The following NEURL3 variants were observed in gnomAD, a reference collection of about 807,000 sequenced individuals.
The protein encoded by NEURL3 is neuralized E3 ubiquitin protein ligase 3.
In NEURL3, 19 loss-of-function variants were observed where a neutral mutation model predicts 17.6. The ratio of observed to expected loss-of-function variants is 1.08; its 90% confidence interval spans 0.75 to 1.58. The LOEUF (loss-of-function observed/expected upper bound fraction) is 1.58, where lower values mean the gene tolerates loss of function less well. Among genes scored for constraint, NEURL3 ranks in the 40% most tolerant of loss-of-function variants. NEURL3 has a pLI of 0.00. For missense variants in NEURL3, 342 were observed against 379.6 expected (o/e 0.90, Z 0.82); for synonymous variants, 180 against 161.4 (o/e 1.11, Z -0.87).
At chr2:96,502,241 C>A (rs1243070512) in intron 1 of NEURL3, among the ~76,000 whole-genome samples, 2 of 152,228 alleles carry the variant, frequency 1.3e-5, no homozygotes, top group Non-Finnish European at 2.9e-5. Flanking sequence ...TCCCAGCAGG[C>A]CTGCCCAGCT....
At chr2:96,500,415 G>T (rs1247308498) in intron 2 of NEURL3, 24 bp downstream of exon 2, 1 of 1,596,246 alleles carries the variant, frequency 6.3e-7, no homozygotes, top group Non-Finnish European at 8.5e-7. Context: ...CACCTCCCCT[G>T]CGGGGTCCCC....
intron 1 of NEURL3, among the ~76,000 whole-genome samples, chr2:96,503,081 G>A (rs1027101004): frequency 6.6e-6 from 1 of 152,172 alleles, no homozygotes; most frequent in African/African-American, 2.4e-5. Context: ...CTGGCTCCAT[G>A]CAGGACTGGC....
upstream of NEURL3, among the ~76,000 whole-genome samples, chr2:96,505,780 T>C (rs1471605777): frequency 6.6e-6 from 1 of 152,230 alleles, no homozygotes; most frequent in African/African-American, 2.4e-5. Flanking sequence ...CAGAAGGAAC[T>C]CAATCTGTGT....
chr2:96,499,205 T>C, intron 3 of NEURL3, 173 bp downstream of exon 3: 2 of 1,404,794 alleles, frequency 1.4e-6, no homozygotes, highest in South Asian at 3.2e-5. Flanking sequence ...AGGCAAATGC[T>C]CTCGAAGGCA....
chr2:96,506,745 A>G (rs937873487), upstream of NEURL3, among the ~76,000 whole-genome samples: 8 of 152,258 alleles, frequency 5.3e-5, no homozygotes, highest in Admixed American at 2.0e-4. Flanking sequence ...CATGAGAGGT[A>G]TGTATGGCAT....
At chr2:96,507,176 G>T (rs1463364214), upstream of NEURL3, among the ~76,000 whole-genome samples, 2 of 152,118 alleles carry the variant, frequency 1.3e-5, no homozygotes, top group Non-Finnish European at 2.9e-5. Context: ...ATCTGAACAG[G>T]CTGGCCGACT....
Position 96,498,101 on chromosome 2 carries a change from C to G in NEURL3, c.*143G>C, listed in dbSNP as rs571000108. 3 of 836,108 alleles carry G rather than the reference C, an allele frequency of 3.6e-6. No homozygotes were observed. In the African/African-American group the frequency reaches 5.2e-5, roughly 14 times the overall value. 51.8% of individuals were successfully genotyped at this position (836,108 alleles called of 1,614,324 possible). ...GGAGGCAGCAGACAGCACCTCCCTG[C>G]CTTCCTCTCTCTGCCGCACCTCTTG... is the stretch of plus-strand genomic sequence containing the variant. On this transcript the variant is annotated 3_prime_UTR_variant, in exon 4 of 4. Coordinates refer to ENST00000451794, the MANE Select transcript of NEURL3 (RefSeq NM_001285485.2). This position sits in a 1 kb window ranked among gnomAD's most constrained non-coding sequence, Gnocchi z 4.4.
chr2:96,498,585 G>T lies in NEURL3; in HGVS notation c.587-139C>A. The T allele has an allele frequency of 3.7e-6, 3 of 800,672 alleles. No individual in the cohort carries two copies. The highest frequency in any genetic ancestry group is 3.8e-6 in the Non-Finnish European group (2 of 525,114). The allele number at this position is 800,672 out of a possible 1,614,324, so 49.6% of individuals were successfully genotyped here. A position where few individuals can be genotyped will look rare whatever the true frequency, so the allele number is the denominator to read the frequency against. ...TACCTAGTGAGGAAATGCTTACAGT[G>T]TAATCAAGTGAAAAAAAGGGGGAAG... On this transcript the variant is annotated intron_variant, in intron 3 of 3. Transcript: ENST00000451794. The surrounding 1 kb of genome is among the most constrained non-coding windows in gnomAD (Gnocchi z 4.4).
intron 1 of NEURL3, among the ~76,000 whole-genome samples, chr2:96,503,211 T>C (rs1168653007): frequency 6.6e-6 from 1 of 152,134 alleles, no homozygotes; most frequent in Non-Finnish European, 1.5e-5. Flanking sequence ...TCCCCCGGAA[T>C]GGCCTTGAGG....
In NEURL3 at chr2:96,498,193, G is replaced by A. The variant is rs1241279949; in HGVS notation, c.*51C>T. On this transcript the variant is annotated 3_prime_UTR_variant, in exon 4 of 4. Transcript: ENST00000451794. This position sits in a 1 kb window ranked among gnomAD's most constrained non-coding sequence, Gnocchi z 4.4. ...CTGCGCCTCCTTCCTCTCTGCAGGG[G>A]CCAGACTCAGATCTAGGCCCGGGCT... is the stretch of plus-strand genomic sequence containing the variant. The A allele has an allele frequency of 4.7e-6, 7 of 1,475,832 alleles. No individual in the cohort carries two copies. The highest frequency in any genetic ancestry group is 1.4e-5 in the African/African-American group (1 of 71,554). The allele number at this position is 1,475,832 out of a possible 1,614,324, so 91.4% of individuals were successfully genotyped here. A position where few individuals can be genotyped will look rare whatever the true frequency, so the allele number is the denominator to read the frequency against.
chr2:96,503,806 T>C (rs1294563790), intron 1 of NEURL3, among the ~76,000 whole-genome samples: 3 of 151,962 alleles, frequency 2.0e-5, no homozygotes, highest in Non-Finnish European at 4.4e-5. Context: ...ACTCCCAGGG[T>C]GGGGAGTGGC....
upstream of NEURL3, among the ~76,000 whole-genome samples, chr2:96,507,317 T>C (rs2065568870): frequency 6.6e-6 from 1 of 152,238 alleles, no homozygotes; most frequent in Non-Finnish European, 1.5e-5. Context: ...CCCTGTGTCA[T>C]GTAAAATTTA....
At chr2:96,501,622 TG>T (rs1215122306) in intron 1 of NEURL3, among the ~76,000 whole-genome samples, 1 of 151,952 alleles carries the variant, frequency 6.6e-6, no homozygotes, top group African/African-American at 2.4e-5. Flanking sequence ...GAATCCTGGG[TG>T]GGGTCCAGCC....
chr2:96,500,605 G>A lies in NEURL3; in HGVS notation c.348C>T (p.Cys116=), dbSNP rs754890754. ...PTWAAVLPEG[C]ALTGDLVRFW... is the part of the protein sequence containing the mutation. Reference sequence around the variant, plus strand: ...AGCGGACCAAGTCCCCAGTGAGCGCGCAGCCCTCAGGCAGCACGGCCGCCC... The same window carrying A: ...AGCGGACCAAGTCCCCAGTGAGCGCACAGCCCTCAGGCAGCACGGCCGCCC... The change falls in exon 2 of 4, where the codon TGC becomes TGT. Residue 116 remains cysteine (C), a synonymous_variant. Transcript: ENST00000451794. 5 of 1,525,226 alleles carry A rather than the reference G, an allele frequency of 3.3e-6. No homozygotes were observed. In the South Asian group the frequency reaches 3.7e-5, roughly 11 times the overall value. 94.5% of individuals were successfully genotyped at this position (1,525,226 alleles called of 1,614,324 possible).
chr2:96,498,133 A>C lies in NEURL3; in HGVS notation c.*111T>G, dbSNP rs2065461449. 2.6e-6 allele frequency: 3 copies of C among 1,144,634 alleles called. No homozygotes were observed. The allele number at this position is 1,144,634 out of a possible 1,614,324, so 70.9% of individuals were successfully genotyped here. On this transcript the variant is annotated 3_prime_UTR_variant, in exon 4 of 4. Transcript: ENST00000451794. This position sits in a 1 kb window ranked among gnomAD's most constrained non-coding sequence, Gnocchi z 4.4. ...CTCTCTGCCGCACCTCTTGCTAATCAGCCTTTCTGACTCTTCCCCAGAAAG... is the reference window on the plus strand; with the variant it reads ...CTCTCTGCCGCACCTCTTGCTAATCCGCCTTTCTGACTCTTCCCCAGAAAG...
intron 2 of NEURL3, chr2:96,500,205 T>C (rs2065487950): frequency 1.7e-6 from 1 of 575,870 alleles, no homozygotes; most frequent in African/African-American, 1.9e-5. Context: ...GAGTAACAGA[T>C]GGTGTGAGTG....
At chr2:96,499,345 CG>C (rs2065473974) in intron 3 of NEURL3, 32 bp downstream of exon 3, 3 of 1,597,294 alleles carry the variant, frequency 1.9e-6, no homozygotes, top group African/African-American at 1.3e-5. Flanking sequence ...GCTGGATTCC[CG>C]GGGAGTCCCT....
rs1315699411 is a variant in NEURL3 at position 96,498,627 on chromosome 2, TAC to T, written c.587-183_587-182del. Among the ~76,000 whole-genome samples, 1 of 152,148 alleles carries T rather than the reference TAC, an allele frequency of 6.6e-6. No homozygotes were observed. The highest frequency in any genetic ancestry group is 2.4e-5 in the African/African-American group (1 of 41,414). On this transcript the variant is annotated intron_variant, in intron 3 of 3. Coordinates refer to ENST00000451794, the MANE Select transcript of NEURL3 (RefSeq NM_001285485.2). The surrounding 1 kb of genome is among the most constrained non-coding windows in gnomAD (Gnocchi z 4.4). ...AGGGGGAAGAAAACCATTTTTTATA[TAC>T]ATATATTCCAATTCCAATTTAGAGA...
In NEURL3 at chr2:96,502,898, C is replaced by T. The variant is rs139688340; in HGVS notation, c.29-1974G>A. 1.1e-4 allele frequency among the ~76,000 whole-genome samples: 17 copies of T among 152,358 alleles called. 3 individuals are homozygous for T. The highest frequency in any genetic ancestry group is 4.1e-4 in the African/African-American group (17 of 41,594). ...AACTAGGGTTGATGAGGAGTTCTCC[C>T]AGCCTCACCCAGTGCAGCCCCTACA... On this transcript the variant is annotated intron_variant, in intron 1 of 3. Transcript: ENST00000451794.
Sources: allele counts gnomAD v4.1 joint callset (sites outside exome capture counted in the v4.1 genomes callset), GRCh38; gene constraint gnomAD v4.1.1; non-coding constraint Gnocchi (gnomAD v3.1); transcripts MANE v1.5; gene names NCBI Gene and HGNC (gene_info 2026-07-23, HGNC 2026-07-21).